The following TEAD3 variants were observed in gnomAD, a reference collection of about 807,000 sequenced individuals.
TEAD3 encodes transcriptional enhancer factor TEF-5.
A neutral mutation model predicts 55.6 loss-of-function variants in TEAD3; 15 were observed. The ratio of observed to expected loss-of-function variants is 0.27; its 90% CI spans 0.18 to 0.42. The LOEUF is 0.42. Among genes scored for constraint, TEAD3 ranks in the 10% least tolerant of loss-of-function variants. The probability of loss-of-function intolerance (pLI) is 1.00; values close to 1 mark genes in which losing one functional copy is unlikely to be tolerated. For missense variants in TEAD3, 407 were observed against 576.8 expected (o/e 0.71, Z 3.01); for synonymous variants, 210 against 232.2 (o/e 0.90, Z 0.87).
Position 35,488,459 on chromosome 6 carries a change from G to C in TEAD3, c.-49-1748C>G, listed in dbSNP as rs987485553. ...TGTATTCAGGGTCCTGGAAACCTAA[G>C]AGCCCATGATGGCTGGATCCTGGGA... is the stretch of plus-strand genomic sequence containing the variant. On this transcript the variant is annotated intron_variant, in intron 1 of 12. Coordinates refer to ENST00000639578, the Ensembl canonical transcript of TEAD3. The surrounding 1 kb of genome is among the most constrained non-coding windows in gnomAD (Gnocchi z 4.2). 6.6e-6 allele frequency among the ~76,000 whole-genome samples: 1 copy of C among 152,092 alleles called. No individual in the cohort carries two copies. The highest frequency in any genetic ancestry group is 1.5e-5 in the Non-Finnish European group (1 of 68,016).
At chr6:35,490,290 T>TG (rs555546729) in intron 1 of TEAD3, among the ~76,000 whole-genome samples, 2,086 of 151,726 alleles carry the variant, frequency 0.014, 21 homozygotes, top group South Asian at 0.027. Flanking sequence ...TGGGACAGAC[T>TG]GGGGGGGCGG....
chr6:35,491,937 G>A lies in TEAD3; in HGVS notation c.-50+4961C>T, dbSNP rs1384276516. ...CTGGTCCCCCACCCCCACAGACCCT[G>A]CAGCCTCCAGACCACCCAGCCCTGT... On this transcript the variant is annotated intron_variant, in intron 1 of 12. Coordinates refer to ENST00000639578, the Ensembl canonical transcript of TEAD3. This position sits in a 1 kb window ranked among gnomAD's most constrained non-coding sequence, Gnocchi z 4.4. Among the ~76,000 whole-genome samples, 1 of 152,156 alleles carries A rather than the reference G, an allele frequency of 6.6e-6. No homozygotes were observed. Among genetic ancestry groups the A allele is most frequent in the African/African-American group, 2.4e-5 (1 of 41,440 alleles).
chr6:35,495,450 T>G (rs1168651164), intron 1 of TEAD3, among the ~76,000 whole-genome samples: 1 of 152,120 alleles, frequency 6.6e-6, no homozygotes, highest in African/African-American at 2.4e-5. Flanking sequence ...CCCAAGAGCT[T>G]GGGACTCATA....
In TEAD3 at chr6:35,488,805, C is replaced by A. The variant is rs562305308; in HGVS notation, c.-49-2094G>T. 4.1e-4 allele frequency among the ~76,000 whole-genome samples: 63 copies of A among 152,316 alleles called. No homozygotes were observed. The highest frequency in any genetic ancestry group is 1.4e-3 in the African/African-American group (59 of 41,562). On this transcript the variant is annotated intron_variant, in intron 1 of 12. Coordinates refer to ENST00000639578, the Ensembl canonical transcript of TEAD3. The surrounding 1 kb of genome is among the most constrained non-coding windows in gnomAD (Gnocchi z 4.2). ...ATGGCGCGATCTCTGCTCACCGCAA[C>A]CTCCACCTCCTGGGTTCAAGCGATT...
rs1768639534 is a variant in TEAD3, at chr6:35,496,017, G to A, written c.-50+881C>T. ...TCACCAGGAAAGTTGACAGAGCGGGGTCTCAATGACACTGCCCCAGGGCCC... is the reference window on the plus strand; with the variant it reads ...TCACCAGGAAAGTTGACAGAGCGGGATCTCAATGACACTGCCCCAGGGCCC... On this transcript the variant is annotated intron_variant, in intron 1 of 12. Coordinates refer to ENST00000639578, the Ensembl canonical transcript of TEAD3. The surrounding 1 kb of genome is among the most constrained non-coding windows in gnomAD (Gnocchi z 4.8). Among the ~76,000 whole-genome samples the A allele has an allele frequency of 6.6e-6, 1 of 152,210 alleles. No homozygotes were observed. Among genetic ancestry groups the A allele is most frequent in the African/African-American group, 2.4e-5 (1 of 41,460 alleles).
Position 35,475,257 on chromosome 6 carries a change from C to G in TEAD3, c.1194+79G>C, listed in dbSNP as rs1768118598. 2 of 1,602,522 alleles carry G rather than the reference C, an allele frequency of 1.2e-6. No individual in the cohort carries two copies. The highest frequency in any genetic ancestry group is 1.7e-6 in the Non-Finnish European group (2 of 1,173,116). On this transcript the variant is annotated intron_variant, in intron 12 of 12. Coordinates refer to ENST00000639578, the Ensembl canonical transcript of TEAD3. This position sits in a 1 kb window ranked among gnomAD's most constrained non-coding sequence, Gnocchi z 5.4. ...TTCTCCTTTCCGGATCTATGCCTCTCAGCCAAGCGATGTGTCTGGCTACCC... is the reference window on the plus strand; with the variant it reads ...TTCTCCTTTCCGGATCTATGCCTCTGAGCCAAGCGATGTGTCTGGCTACCC...
At chr6:35,480,211 G>C (rs1327600168) in intron 3 of TEAD3, 101 bp downstream of exon 4, 2 of 1,555,238 alleles carry the variant, frequency 1.3e-6, no homozygotes, top group Non-Finnish European at 8.7e-7. Context: ...GGCACAGTGG[G>C]GCTGGAGAGC....
Position 35,484,636 on chromosome 6 carries a change from TGAGA to T in TEAD3, c.203-16_203-13del. 1 of 1,586,198 alleles carries T rather than the reference TGAGA, an allele frequency of 6.3e-7. No individual in the cohort carries two copies. The highest frequency in any genetic ancestry group is 8.6e-7 in the Non-Finnish European group (1 of 1,165,954). The stretch of plus-strand genomic sequence containing the variant: ...CAACTCATTTCGGCCTAGATTGGGG[TGAGA>T]GAGAAAATGAGGAGTGGGCAAAGGG... On this transcript the variant is annotated splice_polypyrimidine_tract_variant and intron_variant, in intron 2 of 12. Transcript: ENST00000639578. The surrounding 1 kb of genome is among the most constrained non-coding windows in gnomAD (Gnocchi z 5.8).
At position 35,486,293 on chromosome 6, in the gene TEAD3, G is replaced by A. The variant is rs1358356640; in HGVS notation, c.202+168C>T. Among the ~76,000 whole-genome samples, 1 of 152,234 alleles carries A rather than the reference G, an allele frequency of 6.6e-6. No individual in the cohort carries two copies. The highest frequency in any genetic ancestry group is 1.5e-5 in the Non-Finnish European group (1 of 68,042). Reference sequence around the variant, plus strand: ...TGCGCCCTGGTTAGGGGGCGAGCCCGGCTTGTTTATGAGGAGGAGCGCGGA... The same window carrying A: ...TGCGCCCTGGTTAGGGGGCGAGCCCAGCTTGTTTATGAGGAGGAGCGCGGA... On this transcript the variant is annotated intron_variant, in intron 2 of 12. Coordinates refer to ENST00000639578, the Ensembl canonical transcript of TEAD3. This position sits in a 1 kb window ranked among gnomAD's most constrained non-coding sequence, Gnocchi z 7.3.
exon 10 of TEAD3, chr6:35,476,034 G>A (rs1198740517): frequency 3.2e-6 from 5 of 1,556,980 alleles, no homozygotes; most frequent in Non-Finnish European, 3.5e-6. Context: ...TGCCTCCAGG[G>A]GTGGGTCTGA....
chr6:35,481,043 G>A (rs1033284994), intron 3 of TEAD3, among the ~76,000 whole-genome samples: 5 of 151,854 alleles, frequency 3.3e-5, no homozygotes, highest in Non-Finnish European at 7.4e-5. Context: ...ACGAGGCCTG[G>A]CCCTCCTGCT....
chr6:35,478,436 G>T (rs902986819), exon 6 of TEAD3: 3 of 1,613,570 alleles, frequency 1.9e-6, no homozygotes, highest in African/African-American at 1.3e-5. Flanking sequence ...CCATGTACCC[G>T]CGAGGAAGTG....
Position 35,483,102 on chromosome 6 carries a change from T to A in TEAD3, c.267+1458A>T, listed in dbSNP as rs1211342211. Among the ~76,000 whole-genome samples, 1 of 152,180 alleles carries A rather than the reference T, an allele frequency of 6.6e-6. No homozygotes were observed. The highest frequency in any genetic ancestry group is 2.4e-5 in the African/African-American group (1 of 41,434). The stretch of plus-strand genomic sequence containing the variant: ...GACAGGGCTCTGGCGCACGCCTCCA[T>A]GTGGTATCCCTGGTGCCTAGAACAC... On this transcript the variant is annotated intron_variant, in intron 3 of 12. Transcript: ENST00000639578. This position sits in a 1 kb window ranked among gnomAD's most constrained non-coding sequence, Gnocchi z 4.5.
At chr6:35,474,487 A>G (rs1394159090), downstream of TEAD3, 1 of 153,268 alleles carries the variant, frequency 6.5e-6, no homozygotes, top group African/African-American at 2.4e-5. Context: ...TGGGCACTTC[A>G]TCTGAAACCC....
rs185131643 is a variant in TEAD3, at chr6:35,493,357, C to T, written c.-50+3541G>A. ...GGGACCACAGGCCCCCAAAAGCATC[C>T]CACAGAGCCTCCTACACGCCCTGCC... On this transcript the variant is annotated intron_variant, in intron 1 of 12. Transcript: ENST00000639578. Among the ~76,000 whole-genome samples the T allele has an allele frequency of 1.2e-3, 181 of 152,194 alleles. 1 individual carries two copies. In the East Asian group the frequency reaches 0.03, roughly 25 times the overall value.
intron 3 of TEAD3, among the ~76,000 whole-genome samples, chr6:35,482,892 C>T (rs1008625999): frequency 1.3e-5 from 2 of 152,194 alleles, no homozygotes; most frequent in Non-Finnish European, 2.9e-5. Context: ...GAGCTCAGAA[C>T]GGCTTTCTGT....
chr6:35,485,774 G>A lies in TEAD3; in HGVS notation c.202+687C>T, dbSNP rs546245945. Among the ~76,000 whole-genome samples the A allele has an allele frequency of 7.9e-5, 12 of 152,248 alleles. No homozygotes were observed. The highest frequency in any genetic ancestry group is 2.0e-4 in the Admixed American group (3 of 15,302). ...GGACCTGATCCCTTCCCACAGGCGC[G>A]CCCTGGGAAGGGCTGGGCCTGCCTC... On this transcript the variant is annotated intron_variant, in intron 2 of 12. Transcript: ENST00000639578. This position sits in a 1 kb window ranked among gnomAD's most constrained non-coding sequence, Gnocchi z 4.3.
At chr6:35,481,209 G>C (rs1216499068) in intron 3 of TEAD3, among the ~76,000 whole-genome samples, 1 of 152,068 alleles carries the variant, frequency 6.6e-6, no homozygotes, top group Non-Finnish European at 1.5e-5. Flanking sequence ...GCTAATCACT[G>C]TCTGGATGTG....
intron 7 of TEAD3, 107 bp from the exon 8 acceptor site, chr6:35,477,479 T>C (rs1262170053): frequency 9.5e-7 from 1 of 1,048,098 alleles, no homozygotes; most frequent in Non-Finnish European, 1.4e-6. Flanking sequence ...GCCTTTCTGC[T>C]GAGGCCCAGA....
Sources: gnomAD v4.1 joint callset for allele counts (sites outside exome capture counted in the v4.1 genomes callset) on GRCh38, gnomAD v4.1.1 for gene constraint, Gnocchi (gnomAD v3.1) non-coding constraint, MANE v1.5 for transcripts, NCBI Gene and HGNC (gene_info 2026-07-23, HGNC 2026-07-21) for gene names.